SLC16A2: variants seen among roughly 807,000 people sequenced by gnomAD.
SLC16A2 encodes the protein solute carrier family 16 member 2, also known as monocarboxylate transporter 8.
A neutral mutation model predicts 27.2 loss-of-function variants in SLC16A2; 3 were observed. That is an observed-to-expected ratio of 0.11 (90% CI 0.05 to 0.28). The LOEUF is 0.28. Among genes scored for constraint, SLC16A2 ranks in the 10% least tolerant of loss-of-function variants. The probability of loss-of-function intolerance (pLI) is 1.00; values close to 1 mark genes in which losing one functional copy is unlikely to be tolerated. For synonymous variants in SLC16A2, 202 were observed against 187.8 expected, an observed-to-expected ratio of 1.08 and a Z score of -0.62; for missense variants, 295 against 458.5, an observed-to-expected ratio of 0.64 and a Z score of 3.26.
intron 1 of SLC16A2, among the ~76,000 whole-genome samples, chrX:74,471,252 T>C (rs921596152): frequency 1.8e-5 from 2 of 112,236 alleles, no homozygotes; most frequent in Admixed American, 1.9e-4. Context: ...CTATGATTAG[T>C]TTTGTGTGAA....
chrX:74,467,028 T>C lies in SLC16A2; in HGVS notation c.430+44961T>C, dbSNP rs767156070. On this transcript the variant is annotated intron_variant, in intron 1 of 5. Coordinates refer to ENST00000587091, the MANE Select transcript of SLC16A2 (RefSeq NM_006517.5). ...TTTTGTTCAATTCAACAAACCTTTCTTGAGCACCATGTCACCATATGCCCA... is the reference window on the plus strand; with the variant it reads ...TTTTGTTCAATTCAACAAACCTTTCCTGAGCACCATGTCACCATATGCCCA... Among the ~76,000 whole-genome samples the C allele has an allele frequency of 2.5e-3, 272 of 110,539 alleles. 1 individual carries two copies. The highest frequency in any genetic ancestry group is 4.5e-3 in the Non-Finnish European group (242 of 53,212).
intron 1 of SLC16A2, among the ~76,000 whole-genome samples, chrX:74,432,627 TCA>T (rs1233756129): frequency 8.9e-6 from 1 of 111,818 alleles, no homozygotes; most frequent in African/African-American, 3.3e-5. Flanking sequence ...ATTTTGGAAA[TCA>T]CACAGTCTTA....
rs1343901071 is a variant in SLC16A2 at position 74,525,743 on chromosome X, T to C, written c.1027-7T>C. ...GTTTCTGGGGATCCTTGTGCTATGC[T>C]TTTCAGATGAAGTATGTGGAGGAGG... On this transcript the variant is annotated splice_polypyrimidine_tract_variant and splice_region_variant and intron_variant, in intron 3 of 5. Transcript: ENST00000587091. 8.3e-7 allele frequency: 1 copy of C among 1,211,620 alleles called. No homozygotes were observed. The highest frequency in any genetic ancestry group is 2.2e-5 in the Admixed American group (1 of 46,029).
chrX:74,452,123 G>A (rs762218600), intron 1 of SLC16A2, among the ~76,000 whole-genome samples: 16 of 112,415 alleles, frequency 1.4e-4, no homozygotes, highest in African/African-American at 2.9e-4. Context: ...CCCCCAAGGC[G>A]CCCTCCAGAC....
Position 74,493,499 on chromosome X carries a change from C to T in SLC16A2, c.431-27491C>T, listed in dbSNP as rs746702334. ...GAGACTGCCAGGCCACTGTGCAGTG[C>T]CAGAGGCTTCTGCTTCCCGTCCCCG... On this transcript the variant is annotated intron_variant, in intron 1 of 5. Coordinates refer to ENST00000587091, the MANE Select transcript of SLC16A2 (RefSeq NM_006517.5). 1.8e-4 allele frequency among the ~76,000 whole-genome samples: 20 copies of T among 112,081 alleles called. No individual in the cohort carries two copies. The South Asian group carries it at 7.5e-3, about 42-fold the overall frequency.
At chrX:74,479,917 G>A (rs1929578575) in intron 1 of SLC16A2, among the ~76,000 whole-genome samples, 1 of 112,236 alleles carries the variant, frequency 8.9e-6, no homozygotes. Context: ...TCCTAGTTAG[G>A]CTACTTGGGC....
intron 1 of SLC16A2, among the ~76,000 whole-genome samples, chrX:74,465,566 T>A (rs1929236311): frequency 9.0e-6 from 1 of 111,460 alleles, no homozygotes; most frequent in Admixed American, 9.5e-5. Flanking sequence ...GGAGTGGTGC[T>A]CAGCCCATTT....
At chrX:74,493,296 G>C (rs746430500) in intron 1 of SLC16A2, among the ~76,000 whole-genome samples, 1 of 112,211 alleles carries the variant, frequency 8.9e-6, no homozygotes, top group Non-Finnish European at 1.9e-5. Flanking sequence ...GTTGGGGAGC[G>C]TGTTGTAATC....
chrX:74,443,640 A>C (rs1335367196), intron 1 of SLC16A2, among the ~76,000 whole-genome samples: 2 of 112,311 alleles, frequency 1.8e-5, no homozygotes, highest in Non-Finnish European at 3.8e-5. Context: ...CCGCCTCCTG[A>C]GAAAAACAGG....
chrX:74,467,507 G>A (rs1929274900), intron 1 of SLC16A2, among the ~76,000 whole-genome samples: 1 of 111,503 alleles, frequency 9.0e-6, no homozygotes, highest in Non-Finnish European at 1.9e-5. Flanking sequence ...GTATGTCTCA[G>A]AAACAGAAAT....
At chrX:74,449,995 T>G (rs1928909722) in intron 1 of SLC16A2, among the ~76,000 whole-genome samples, 1 of 112,001 alleles carries the variant, frequency 8.9e-6, no homozygotes, top group Non-Finnish European at 1.9e-5. Flanking sequence ...GGTCCATCCT[T>G]CCTCCACCAC....
rs990244503 is a variant in SLC16A2, at chrX:74,493,150, G to T, written c.431-27840G>T. Among the ~76,000 whole-genome samples the T allele has an allele frequency of 4.5e-5, 5 of 111,849 alleles. No individual in the cohort carries two copies. The Admixed American group carries it at 4.7e-4, about 11-fold the overall frequency. On this transcript the variant is annotated intron_variant, in intron 1 of 5. Transcript: ENST00000587091. ...GTTCACAATAGTGTGGCTCTGGGAA[G>T]TGCCCTCACTGAAGAGGGACAGAGG...
At chrX:74,485,395 A>C (rs968736598) in intron 1 of SLC16A2, among the ~76,000 whole-genome samples, 1 of 110,145 alleles carries the variant, frequency 9.1e-6, no homozygotes, top group African/African-American at 3.3e-5. Flanking sequence ...AAATATATAT[A>C]GATATCTTTA....
intron 1 of SLC16A2, among the ~76,000 whole-genome samples, chrX:74,461,409 T>A (rs73624300): frequency 4.0e-4 from 39 of 98,698 alleles, no homozygotes; most frequent in South Asian, 8.5e-4. Flanking sequence ...AGAGAGAGAG[T>A]GTGTGTGTGT....
intron 1 of SLC16A2, among the ~76,000 whole-genome samples, chrX:74,478,152 T>A (rs1340976672): frequency 8.9e-6 from 1 of 112,034 alleles, no homozygotes; most frequent in Non-Finnish European, 1.9e-5. Flanking sequence ...AAGGACTTGC[T>A]TTATGAATCT....
chrX:74,461,407 A>AGAGT (rs1555983182), intron 1 of SLC16A2, among the ~76,000 whole-genome samples: 4 of 103,825 alleles, frequency 3.9e-5, no homozygotes, highest in East Asian at 3.2e-4. Flanking sequence ...AGAGAGAGAG[A>AGAGT]GTGTGTGTGT....
intron 1 of SLC16A2, 114 bp downstream of exon 1, chrX:74,422,181 C>T: frequency 3.9e-6 from 3 of 759,671 alleles, no homozygotes; most frequent in Non-Finnish European, 4.0e-6. Context: ...TCTCCGACTC[C>T]TCCCCTTACC....
Position 74,421,587 on chromosome X carries a change from C to T in SLC16A2, c.-51C>T. 2 of 1,188,162 alleles carry T rather than the reference C, an allele frequency of 1.7e-6. No individual in the cohort carries two copies. The highest frequency in any genetic ancestry group is 2.3e-6 in the Non-Finnish European group (2 of 880,375). On this transcript the variant is annotated 5_prime_UTR_variant, in exon 1 of 6. Transcript: ENST00000587091. ...CAGCTGCAGCAGCAGAAACAAGTAC[C>T]AGCCACAAAGCGGCTCCTCTGGCCC... is the stretch of plus-strand genomic sequence containing the variant.
chrX:74,456,658 A>C (rs484079), intron 1 of SLC16A2, among the ~76,000 whole-genome samples: 46,019 of 110,775 alleles, frequency 0.42, 7,470 homozygotes, highest in East Asian at 0.96. Flanking sequence ...TTGAGGAGAA[A>C]CTGAAGACTG....
Sources: gnomAD v4.1 joint callset for allele counts (sites outside exome capture counted in the v4.1 genomes callset) on GRCh38, gnomAD v4.1.1 for gene constraint, MANE v1.5 for transcripts, NCBI Gene and HGNC (gene_info 2026-07-23, HGNC 2026-07-21) for gene names.